The following OTX1 variants were observed in gnomAD, a reference collection of about 807,000 sequenced individuals.
OTX1 encodes the protein homeobox protein OTX1.
In OTX1, 7 loss-of-function variants were observed where a neutral mutation model predicts 26.7. That is an observed-to-expected ratio of 0.26 (90% CI 0.15 to 0.49). The LOEUF (loss-of-function observed/expected upper bound fraction) is 0.49. OTX1 is among the 20% of genes least tolerant of loss of function. The pLI, the probability that OTX1 is intolerant of heterozygous loss-of-function variation, is 0.98. For missense variants in OTX1, 414 were observed against 483.8 expected (o/e 0.86, Z 1.35); for synonymous variants, 216 against 212.8 (o/e 1.01, Z -0.13).
chr2:63,054,109 G>C lies in OTX1; in HGVS notation c.160G>C (p.Glu54Gln). 1 of 1,612,198 alleles carries C rather than the reference G, an allele frequency of 6.2e-7. No individual in the cohort carries two copies. The highest frequency in any genetic ancestry group is 8.5e-7 in the Non-Finnish European group (1 of 1,179,260). Residue 54 changes from glutamate to glutamine, a missense_variant, in exon 4 of 5, where the codon GAG (glutamate) becomes CAG (glutamine). Physicochemically the swap from Glu to Gln is conservative, Grantham distance 29. Coordinates refer to ENST00000282549, the MANE Select transcript of OTX1 (RefSeq NM_014562.4). ...TFTRSQLDVLEALFAKTRYPD... is the reference protein window; with the variant it reads ...TFTRSQLDVLQALFAKTRYPD... ...CACGCGTTCACAGCTGGACGTGCTC[G>C]AGGCGCTCTTCGCCAAGACTCGCTA... is the stretch of plus-strand genomic sequence containing the variant.
At position 63,052,966 on chromosome 2, in the gene OTX1, G is replaced by C; in HGVS notation, c.-25G>C. On this transcript the variant is annotated 5_prime_UTR_variant, in exon 3 of 5. Transcript: ENST00000282549. Reference sequence around the variant, plus strand: ...TGGCCCCGGGCCCCCTGGATCCGTCGGGGCGCCTCCACCCAGCTGTTAGCA... The same window carrying C: ...TGGCCCCGGGCCCCCTGGATCCGTCCGGGCGCCTCCACCCAGCTGTTAGCA... The C allele has an allele frequency of 1.3e-6, 2 of 1,563,350 alleles. No homozygotes were observed. The highest frequency in any genetic ancestry group is 1.4e-5 in the African/African-American group (1 of 73,674).
At chr2:63,052,113 G>A (rs1025798411) in intron 2 of OTX1, 1 of 152,444 alleles carries the variant, frequency 6.6e-6, no homozygotes, top group Admixed American at 6.5e-5. Context: ...GCCCAGACTG[G>A]GCAGAGAGAA....
Position 63,055,831 on chromosome 2 carries a change from C to T in OTX1, c.580C>T (p.Pro194Ser), listed in dbSNP as rs1451749147. 2.5e-6 allele frequency: 4 copies of T among 1,612,010 alleles called. No homozygotes were observed. The highest frequency in any genetic ancestry group is 3.4e-6 in the Non-Finnish European group (4 of 1,179,780). Residue 194 changes from proline (P) to serine (S), a missense_variant, in exon 5 of 5, where the codon CCG (proline) becomes TCG (serine). Around this residue, in one of 3 missense-constraint regions of OTX1, gnomAD observed 320 missense variants for 347.9 expected, o/e 0.92. Coordinates refer to ENST00000282549, the MANE Select transcript of OTX1 (RefSeq NM_014562.4). The surrounding 1 kb of genome is among the most constrained non-coding windows in gnomAD (Gnocchi z 5.2). Reference protein sequence around the residue: ...PGSAPASVSVPEPLAAPSNTS... With the variant: ...PGSAPASVSVSEPLAAPSNTS... Reference sequence around the variant, plus strand: ...CTCAGCGCCCGCGTCCGTGTCGGTGCCGGAGCCATTGGCCGCGCCTAGCAA... The same window carrying T: ...CTCAGCGCCCGCGTCCGTGTCGGTGTCGGAGCCATTGGCCGCGCCTAGCAA...
In OTX1 at chr2:63,057,123, T is replaced by C. The variant is rs1293199100; in HGVS notation, c.*807T>C. 1 of 151,618 alleles carries C rather than the reference T, an allele frequency of 6.6e-6. No homozygotes were observed. The highest frequency in any genetic ancestry group is 1.5e-5 in the Non-Finnish European group (1 of 67,950). 9.4% of individuals were successfully genotyped at this position (151,618 alleles called of 1,614,324 possible). ...ACCCAGGAAACAGAACTTTAAGATA[T>C]ATACAGCACATATATATATATATAC... On this transcript the variant is annotated 3_prime_UTR_variant, in exon 5 of 5. Transcript: ENST00000282549.
rs369382436 is a variant in OTX1 at position 63,053,012 on chromosome 2, C to T, written c.22C>T (p.Pro8Ser). MMSYLKQPPYGMNGLGLA... is the reference protein window; with the variant it reads MMSYLKQSPYGMNGLGLA... ...TAGCATGATGTCTTACCTCAAACAA[C>T]CCCCATACGGCATGAACGGGCTGGG... The change falls in exon 3 of 5, where the codon CCC (proline) becomes TCC (serine). Residue 8 changes from proline (P) to serine (S), a missense_variant. Coordinates refer to ENST00000282549, the MANE Select transcript of OTX1 (RefSeq NM_014562.4). The T allele has an allele frequency of 9.9e-6, 16 of 1,610,374 alleles. No individual in the cohort carries two copies. Among genetic ancestry groups the T allele is most frequent in the Non-Finnish European group, 1.4e-5 (16 of 1,178,694 alleles).
upstream of OTX1, chr2:63,050,657 A>C (rs933337509): frequency 4.8e-4 from 16 of 33,164 alleles, no homozygotes; most frequent in Non-Finnish European, 7.0e-5. Flanking sequence ...GAGGGCGGGG[A>C]GGGCGGGGTG....
chr2:63,055,796 T>C lies in OTX1; in HGVS notation c.545T>C (p.Ile182Thr), dbSNP rs1167346845. Reference protein sequence around the residue: ...AASSIWSPASISPGSAPASVS... With the variant: ...AASSIWSPASTSPGSAPASVS... ...TCATCTATCTGGAGCCCGGCCTCCA[T>C]CTCGCCAGGCTCAGCGCCCGCGTCC... The change falls in exon 5 of 5, where the codon ATC (isoleucine) becomes ACC (threonine). Residue 182 changes from isoleucine (I) to threonine (T), a missense_variant. This residue lies in a region of OTX1 where 320 missense variants were observed against 347.9 expected (regional missense o/e 0.92). Transcript: ENST00000282549. The surrounding 1 kb of genome is among the most constrained non-coding windows in gnomAD (Gnocchi z 5.2). 4 of 1,612,216 alleles carry C rather than the reference T, an allele frequency of 2.5e-6. No individual in the cohort carries two copies. Among genetic ancestry groups the C allele is most frequent in the Admixed American group, 1.7e-5 (1 of 59,948 alleles).
At position 63,055,815 on chromosome 2, in the gene OTX1, C is replaced by T. The variant is rs770567167; in HGVS notation, c.564C>T (p.Pro188=). ...SPASISPGSA[P]ASVSVPEPLA... ...CCTCCATCTCGCCAGGCTCAGCGCC[C>T]GCGTCCGTGTCGGTGCCGGAGCCAT... Residue 188 remains proline (P), a synonymous_variant, in exon 5 of 5, where the codon CCC becomes CCT. Coordinates refer to ENST00000282549, the MANE Select transcript of OTX1 (RefSeq NM_014562.4). The surrounding 1 kb of genome is among the most constrained non-coding windows in gnomAD (Gnocchi z 5.2). 2.5e-6 allele frequency: 4 copies of T among 1,612,168 alleles called. No individual in the cohort carries two copies. Among genetic ancestry groups the T allele is most frequent in the Non-Finnish European group, 3.4e-6 (4 of 1,179,718 alleles).
chr2:63,050,525 C>A (rs2062017803), upstream of OTX1, among the ~76,000 whole-genome samples: 1 of 152,154 alleles, frequency 6.6e-6, no homozygotes, highest in South Asian at 2.1e-4. Context: ...CCAGGGCAGG[C>A]CTGGAGACCC....
Position 63,057,204 on chromosome 2 carries a change from G to T in OTX1, c.*888G>T, listed in dbSNP as rs916755991. On this transcript the variant is annotated 3_prime_UTR_variant, in exon 5 of 5. Coordinates refer to ENST00000282549, the MANE Select transcript of OTX1 (RefSeq NM_014562.4). ...AGCAAAAAATATTTTCCCTCTGTCCGTCCCCCTTCTGCTCTTCCTCAATCA... is the reference window on the plus strand; with the variant it reads ...AGCAAAAAATATTTTCCCTCTGTCCTTCCCCCTTCTGCTCTTCCTCAATCA... 6.6e-6 allele frequency: 1 copy of T among 151,886 alleles called. No individual in the cohort carries two copies. The highest frequency in any genetic ancestry group is 1.5e-5 in the Non-Finnish European group (1 of 68,036). The allele number at this position is 151,886 out of a possible 1,614,324, so 9.4% of individuals were successfully genotyped here. A position where few individuals can be genotyped will look rare whatever the true frequency, so the allele number is the denominator to read the frequency against.
At position 63,057,302 on chromosome 2, in the gene OTX1, T is replaced by C. The variant is rs2062075737; in HGVS notation, c.*986T>C. 6.6e-6 allele frequency: 1 copy of C among 152,172 alleles called. No individual in the cohort carries two copies. Among genetic ancestry groups the C allele is most frequent in the South Asian group, 2.1e-4 (1 of 4,818 alleles). The allele number at this position is 152,172 out of a possible 1,614,324, so 9.4% of individuals were successfully genotyped here. A position where few individuals can be genotyped will look rare whatever the true frequency, so the allele number is the denominator to read the frequency against. On this transcript the variant is annotated 3_prime_UTR_variant, in exon 5 of 5. Transcript: ENST00000282549. ...CACATCTTCTCCCTCTGTGTATTTA[T>C]TGAAGAGAACCGCTTGGTTTCAGGA...
rs746803954 is a variant in OTX1, at chr2:63,055,990, G to A, written c.739G>A (p.Asp247Asn). 12 of 1,613,754 alleles carry A rather than the reference G, an allele frequency of 7.4e-6. No individual in the cohort carries two copies. The South Asian group carries it at 1.3e-4, about 18-fold the overall frequency. ...TPSSSYFGGV[D>N]CSSYLAPMHS... ...CTCCTCTTCCTACTTTGGCGGCGTG[G>A]ACTGCAGCTCATACCTAGCGCCCAT... The change falls in exon 5 of 5, where the codon GAC becomes AAC. Residue 247 changes from aspartate to asparagine, a missense_variant. Physicochemically the swap from Asp to Asn is conservative, Grantham distance 23 (BLOSUM62 1). Coordinates refer to ENST00000282549, the MANE Select transcript of OTX1 (RefSeq NM_014562.4). The surrounding 1 kb of genome is among the most constrained non-coding windows in gnomAD (Gnocchi z 5.2).
Position 63,055,619 on chromosome 2 carries a change from G to A in OTX1, c.368G>A (p.Ser123Asn). 2 of 1,614,178 alleles carry A rather than the reference G, an allele frequency of 1.2e-6. No homozygotes were observed. Among genetic ancestry groups the A allele is most frequent in the Non-Finnish European group, 1.7e-6 (2 of 1,180,040 alleles). ...SPVRESSGSESSGQFTPPAVS... is the reference protein window; with the variant it reads ...SPVRESSGSENSGQFTPPAVS... ...GTGCGGGAGAGCTCGGGCTCCGAAA[G>A]CAGTGGCCAATTCACGCCGCCAGCT... Residue 123 changes from serine to asparagine, a missense_variant, in exon 5 of 5, where the codon AGC becomes AAC. Around this residue, in one of 3 missense-constraint regions of OTX1, gnomAD observed 320 missense variants for 347.9 expected, o/e 0.92. Coordinates refer to ENST00000282549, the MANE Select transcript of OTX1 (RefSeq NM_014562.4). The surrounding 1 kb of genome is among the most constrained non-coding windows in gnomAD (Gnocchi z 5.2).
intron 4 of OTX1, 34 bp downstream of exon 4, chr2:63,054,232 G>C: frequency 6.5e-7 from 1 of 1,541,106 alleles, no homozygotes; most frequent in Non-Finnish European, 8.7e-7. Flanking sequence ...GTCTGGGTAG[G>C]GGAGCTGAGG....
chr2:63,051,742 T>C (rs982977739), intron 2 of OTX1: 7 of 152,378 alleles, frequency 4.6e-5, no homozygotes, highest in African/African-American at 9.7e-5. Flanking sequence ...CTCTAACTTC[T>C]CTCCTTGAAC....
rs1157685841 is a variant in OTX1 at position 63,054,027 on chromosome 2, G to A, written c.98-20G>A. On this transcript the variant is annotated intron_variant, in intron 3 of 4. Coordinates refer to ENST00000282549, the MANE Select transcript of OTX1 (RefSeq NM_014562.4). Reference sequence around the variant, plus strand: ...CACGTGGCCACCAATGACCCGCGGCGCCCCCGCGTGTCCCCGCAGCCACTC... The same window carrying A: ...CACGTGGCCACCAATGACCCGCGGCACCCCCGCGTGTCCCCGCAGCCACTC... 6.2e-7 allele frequency: 1 copy of A among 1,604,630 alleles called. No homozygotes were observed. Among genetic ancestry groups the A allele is most frequent in the Admixed American group, 1.7e-5 (1 of 59,064 alleles).
At position 63,055,457 on chromosome 2, in the gene OTX1, C is replaced by T. The variant is rs1392950083; in HGVS notation, c.250-44C>T. 3 of 1,571,688 alleles carry T rather than the reference C, an allele frequency of 1.9e-6. No homozygotes were observed. Among genetic ancestry groups the T allele is most frequent in the Non-Finnish European group, 2.6e-6 (3 of 1,154,684 alleles). ...GCGGGGCGGTGGAGCAACAAGCTCCCCTAGCTCCCTTTGACCCACTCTCCC... is the reference window on the plus strand; with the variant it reads ...GCGGGGCGGTGGAGCAACAAGCTCCTCTAGCTCCCTTTGACCCACTCTCCC... On this transcript the variant is annotated intron_variant, in intron 4 of 4. Transcript: ENST00000282549. The surrounding 1 kb of genome is among the most constrained non-coding windows in gnomAD (Gnocchi z 5.2).
intron 4 of OTX1, among the ~76,000 whole-genome samples, chr2:63,054,682 A>C (rs2062051118): frequency 6.6e-6 from 1 of 152,222 alleles, no homozygotes; most frequent in African/African-American, 2.4e-5. Context: ...CTGCTTACAG[A>C]GGATGCTAAG....
chr2:63,051,490 C>T (rs1241706361), intron 2 of OTX1, 173 bp downstream of exon 2: 1 of 152,308 alleles, frequency 6.6e-6, no homozygotes, highest in East Asian at 1.9e-4. Flanking sequence ...TGTCGCGGCC[C>T]GCAGCCCCCT....
Sources: gnomAD v4.1 joint callset for allele counts (sites outside exome capture counted in the v4.1 genomes callset) on GRCh38, gnomAD v4.1.1 for gene constraint, gnomAD v4.1.1 regional missense constraint, Gnocchi (gnomAD v3.1) non-coding constraint, MANE v1.5 for transcripts, NCBI Gene and HGNC (gene_info 2026-07-23, HGNC 2026-07-21) for gene names.